GPR158: variants seen among roughly 807,000 people sequenced by gnomAD.
GPR158 encodes G protein-coupled receptor 158.
In GPR158, 30 loss-of-function variants were observed where a neutral mutation model predicts 78.2. The ratio of observed to expected loss-of-function variants is 0.38; its 90% confidence interval spans 0.29 to 0.52. GPR158 has a LOEUF of 0.52. Ranked by LOEUF, GPR158 falls within the 20% of genes least tolerant of loss-of-function variation. The probability of loss-of-function intolerance (pLI) is 0.83; values close to 1 mark genes in which losing one functional copy is unlikely to be tolerated. For missense variants in GPR158, 1,463 were observed against 1,523.5 expected (o/e 0.96, Z 0.66); for synonymous variants, 581 against 591.1 (o/e 0.98, Z 0.25).
chr10:25,224,579 A>G (rs1488410801), intron 2 of GPR158, among the ~76,000 whole-genome samples: 2 of 151,962 alleles, frequency 1.3e-5, no homozygotes, highest in Non-Finnish European at 2.9e-5. Context: ...TGTTATGATT[A>G]TGTCACAATT....
chr10:25,470,506 C>T (rs1156326972), intron 5 of GPR158, among the ~76,000 whole-genome samples: 2 of 152,022 alleles, frequency 1.3e-5, no homozygotes, highest in African/African-American at 4.8e-5. Flanking sequence ...TTGTAAATTA[C>T]CCAGTCTCAG....
chr10:25,589,342 T>C (rs1837311241), intron 8 of GPR158, among the ~76,000 whole-genome samples, 197 bp downstream of exon 8: 4 of 152,242 alleles, frequency 2.6e-5, no homozygotes, highest in Admixed American at 2.6e-4. Context: ...TTCGGCTGTG[T>C]TGTTTATTGC....
At chr10:25,439,248 T>C (rs528850159) in intron 4 of GPR158, among the ~76,000 whole-genome samples, 6 of 152,270 alleles carry the variant, frequency 3.9e-5, no homozygotes, top group African/African-American at 1.2e-4. Context: ...ACGTCTCACA[T>C]GGTGGCAGAC....
chr10:25,444,539 G>A (rs1835113668), intron 4 of GPR158, among the ~76,000 whole-genome samples: 1 of 151,276 alleles, frequency 6.6e-6, no homozygotes, highest in Non-Finnish European at 1.5e-5. Flanking sequence ...GGAAGTGTGT[G>A]TGTGGTGTGT....
At chr10:25,326,401 G>A (rs1193493301) in intron 2 of GPR158, among the ~76,000 whole-genome samples, 1 of 151,824 alleles carries the variant, frequency 6.6e-6, no homozygotes, top group Non-Finnish European at 1.5e-5. Flanking sequence ...TCTTGCTATT[G>A]AGTTTTTTTG....
intron 2 of GPR158, among the ~76,000 whole-genome samples, chr10:25,251,195 G>A (rs1853792459): frequency 6.6e-6 from 1 of 151,976 alleles, no homozygotes; most frequent in Non-Finnish European, 1.5e-5. Context: ...TTTATTTTGA[G>A]CCTATGTGTG....
intron 2 of GPR158, among the ~76,000 whole-genome samples, chr10:25,297,391 C>T (rs1854530864): frequency 6.6e-6 from 1 of 151,992 alleles, no homozygotes; most frequent in Non-Finnish European, 1.5e-5. Flanking sequence ...AATACATAAG[C>T]AAATGAGTGA....
intron 4 of GPR158, among the ~76,000 whole-genome samples, chr10:25,429,650 AG>A (rs1215290082): frequency 6.6e-6 from 1 of 151,404 alleles, no homozygotes; most frequent in African/African-American, 2.4e-5. Context: ...CACATCAAAA[AG>A]CTTATCCACC....
In GPR158 at chr10:25,353,773, C is replaced by T. The variant is rs557382363; in HGVS notation, c.1009-42138C>T. Among the ~76,000 whole-genome samples the T allele has an allele frequency of 4.6e-5, 7 of 152,188 alleles. No homozygotes were observed. The South Asian group carries it at 1.0e-3, about 23-fold the overall frequency. On this transcript the variant is annotated intron_variant, in intron 2 of 10. Transcript: ENST00000376351. ...TTTATAGAATTGGGTTTTCTGAAGGCAGCATATAATTGGCTCTTGTTTCTT... is the reference window on the plus strand; with the variant it reads ...TTTATAGAATTGGGTTTTCTGAAGGTAGCATATAATTGGCTCTTGTTTCTT...
At chr10:25,390,234 A>G (rs1834276390) in intron 2 of GPR158, among the ~76,000 whole-genome samples, 1 of 152,170 alleles carries the variant, frequency 6.6e-6, no homozygotes, top group Non-Finnish European at 1.5e-5. Context: ...GGGTACTGCT[A>G]TTAAGATACC....
intron 2 of GPR158, among the ~76,000 whole-genome samples, chr10:25,266,027 A>G (rs968684936): frequency 2.6e-5 from 4 of 152,090 alleles, no homozygotes; most frequent in Non-Finnish European, 5.9e-5. Context: ...CTTCAGTCTT[A>G]CTGGATTTCT....
chr10:25,488,697 A>C (rs1159540166), intron 5 of GPR158, among the ~76,000 whole-genome samples: 1 of 152,114 alleles, frequency 6.6e-6, no homozygotes. Flanking sequence ...CTTGGAAGGA[A>C]AGTAATTATG....
At chr10:25,359,072 G>A (rs1435588204) in intron 2 of GPR158, among the ~76,000 whole-genome samples, 1 of 151,642 alleles carries the variant, frequency 6.6e-6, no homozygotes, top group African/African-American at 2.4e-5. Context: ...GAAGCCTCTT[G>A]TTATCATTGA....
At chr10:25,306,510 G>A (rs953753427) in intron 2 of GPR158, among the ~76,000 whole-genome samples, 2 of 152,188 alleles carry the variant, frequency 1.3e-5, no homozygotes, top group East Asian at 3.9e-4. Flanking sequence ...AAAAGTACAG[G>A]GACATAAATT....
chr10:25,298,035 T>C (rs947971362), intron 2 of GPR158, among the ~76,000 whole-genome samples: 3 of 152,140 alleles, frequency 2.0e-5, no homozygotes, highest in Admixed American at 6.5e-5. Flanking sequence ...ATGTGGCATA[T>C]TGTGGGGATT....
At chr10:25,510,458 T>A (rs1836069896) in intron 5 of GPR158, among the ~76,000 whole-genome samples, 1 of 152,232 alleles carries the variant, frequency 6.6e-6, no homozygotes, top group South Asian at 2.1e-4. Flanking sequence ...AAGGTGATAG[T>A]AATATTATTT....
intron 1 of GPR158, among the ~76,000 whole-genome samples, chr10:25,215,924 A>G (rs2130675956): frequency 6.6e-6 from 1 of 152,226 alleles, no homozygotes; most frequent in East Asian, 1.9e-4. Context: ...TTGTCTAGAA[A>G]CTTTCTCAGC....
chr10:25,578,881 C>T (rs1035016671), intron 7 of GPR158, among the ~76,000 whole-genome samples: 16 of 151,826 alleles, frequency 1.1e-4, no homozygotes, highest in Admixed American at 7.9e-4. Context: ...TGGTGGCGGG[C>T]GCCTGTAATC....
chr10:25,253,187 G>A (rs1052399615), intron 2 of GPR158, among the ~76,000 whole-genome samples: 9 of 152,336 alleles, frequency 5.9e-5, no homozygotes, highest in Non-Finnish European at 1.0e-4. Context: ...CACCGTGCGC[G>A]CACCCACTGG....
Sources: allele counts gnomAD v4.1 joint callset (sites outside exome capture counted in the v4.1 genomes callset), GRCh38; gene constraint gnomAD v4.1.1; transcripts MANE v1.5; gene names NCBI Gene and HGNC (gene_info 2026-07-23, HGNC 2026-07-21).